DMXL1: variants seen among roughly 807,000 people sequenced by gnomAD.
DMXL1 encodes Dmx like 1.
Under a neutral mutation model 319.2 loss-of-function variants are expected in DMXL1, and 99 were observed. The ratio of observed to expected loss-of-function variants is 0.31; its 90% CI spans 0.26 to 0.37. The LOEUF (loss-of-function observed/expected upper bound fraction) is 0.37. DMXL1 is among the 10% of genes least tolerant of loss of function. DMXL1 has a pLI of 1.00. For missense variants in DMXL1, 3,745 were observed against 3,595.6 expected, an observed-to-expected ratio of 1.04 and a Z score of -1.06; for synonymous variants, 1,385 against 1,235.2, an observed-to-expected ratio of 1.12 and a Z score of -2.54.
rs139879368 is a variant in DMXL1 at position 119,090,420 on chromosome 5, G to T, written c.88-7559G>T. On this transcript the variant is annotated intron_variant, in intron 1 of 43. Transcript: ENST00000539542. Reference sequence around the variant, plus strand: ...TTTCTGAAGTTTTAGAAAGTTTTCTGTTACTTCTTTGGATAAGCTTTCTAC... The same window carrying T: ...TTTCTGAAGTTTTAGAAAGTTTTCTTTTACTTCTTTGGATAAGCTTTCTAC... Among the ~76,000 whole-genome samples, 860 of 151,974 alleles carry T rather than the reference G, an allele frequency of 5.7e-3. 8 individuals are homozygous for T. The highest frequency in any genetic ancestry group is 0.02 in the African/African-American group (817 of 41,478).
chr5:119,210,256 T>G (rs1782515297), intron 34 of DMXL1, among the ~76,000 whole-genome samples: 1 of 152,208 alleles, frequency 6.6e-6, no homozygotes, highest in African/African-American at 2.4e-5. Flanking sequence ...CGGCCACAAG[T>G]TCTTTTGAAG....
intron 19 of DMXL1, among the ~76,000 whole-genome samples, chr5:119,162,069 A>C (rs996233852): frequency 6.6e-6 from 1 of 152,202 alleles, no homozygotes; most frequent in Admixed American, 6.5e-5. Flanking sequence ...GGGGAAGCTC[A>C]ATGTCTGACC....
chr5:119,118,003 A>T lies in DMXL1; in HGVS notation c.744-812A>T, dbSNP rs190779661. On this transcript the variant is annotated intron_variant, in intron 7 of 43. Transcript: ENST00000539542. ...TTGTGACTTTTTCTTTCTTTCTTCT[A>T]AACTTACTGAATTCCCTGATGGAAG... Among the ~76,000 whole-genome samples, 154 of 152,286 alleles carry T rather than the reference A, an allele frequency of 1.0e-3. 3 individuals carry two copies. In the Middle Eastern group the frequency reaches 0.014, roughly 13 times the overall value.
intron 28 of DMXL1, 23 bp from the exon 29 acceptor site, chr5:119,189,685 A>G: frequency 6.2e-7 from 1 of 1,606,314 alleles, no homozygotes; most frequent in African/African-American, 1.3e-5. Flanking sequence ...TACTTCAGTA[A>G]CATTTTATTT....
intron 5 of DMXL1, 70 bp from the exon 6 acceptor site, chr5:119,114,405 A>C: frequency 8.9e-7 from 1 of 1,117,866 alleles, no homozygotes; most frequent in African/African-American, 1.6e-5. Flanking sequence ...CTGATTTATA[A>C]TTTTGAGAAT....
chr5:119,074,751 A>G (rs930690979), intron 1 of DMXL1, among the ~76,000 whole-genome samples: 2 of 152,184 alleles, frequency 1.3e-5, no homozygotes, highest in African/African-American at 4.8e-5. Flanking sequence ...TTCTATCATT[A>G]ACCAGTCTTG....
chr5:119,200,335 T>C (rs1780471163), intron 32 of DMXL1, among the ~76,000 whole-genome samples: 2 of 152,174 alleles, frequency 1.3e-5, no homozygotes, highest in Non-Finnish European at 2.9e-5. Context: ...TAGGGAGTCT[T>C]TTCTTGATTG....
chr5:119,197,844 G>T lies in DMXL1; in HGVS notation c.7633G>T (p.Gly2545Cys). The T allele has an allele frequency of 1.9e-6, 3 of 1,614,120 alleles. No homozygotes were observed. The highest frequency in any genetic ancestry group is 2.5e-6 in the Non-Finnish European group (3 of 1,180,004). The change falls in exon 32 of 44, where the codon GGT (glycine) becomes TGT (cysteine). Residue 2545 changes from glycine to cysteine, a missense_variant. Gly to Cys is a radical substitution (Grantham distance 159, BLOSUM62 -3). Transcript: ENST00000539542. ...TCTTCTCCGACGACTTGAAATCCAT[G>T]GTGGGCCACCTCAAAATTATATCGC... ...QVLLRRLEIH[G>C]GPPQNYIASH...
chr5:119,174,987 A>T (rs762663554), intron 25 of DMXL1, among the ~76,000 whole-genome samples: 2 of 152,216 alleles, frequency 1.3e-5, no homozygotes, highest in Non-Finnish European at 2.9e-5. Flanking sequence ...TGGAGAGCTG[A>T]CATCTGTTCC....
At chr5:119,072,117 A>G (rs539724124) in intron 1 of DMXL1, among the ~76,000 whole-genome samples, 2 of 152,362 alleles carry the variant, frequency 1.3e-5, no homozygotes, top group Non-Finnish European at 2.9e-5. Context: ...TTTGCCATCA[A>G]CAACTAGCCT....
chr5:119,241,534 C>CAAA lies in DMXL1; in HGVS notation c.8704+1081_8704+1083dup, dbSNP rs35739845. On this transcript the variant is annotated intron_variant, in intron 42 of 43. Coordinates refer to ENST00000539542, the MANE Select transcript of DMXL1 (RefSeq NM_001290321.3). Reference sequence around the variant, plus strand: ...TGGGCGACAGAGCAAGACTCCGTCTCAAAAAAAAAAAAAAAAAAAAGATGA... The same window carrying CAAA: ...TGGGCGACAGAGCAAGACTCCGTCTCAAAAAAAAAAAAAAAAAAAAAAAGATGA... Among the ~76,000 whole-genome samples, 190 of 57,514 alleles carry CAAA rather than the reference C, an allele frequency of 3.3e-3. 2 individuals carry two copies. Among genetic ancestry groups the CAAA allele is most frequent in the African/African-American group, 9.9e-3 (169 of 17,124 alleles). The allele number at this position is 57,514 out of a possible 152,430, so 37.7% of individuals were successfully genotyped here. A position where few individuals can be genotyped will look rare whatever the true frequency, so the allele number is the denominator to read the frequency against.
At chr5:119,133,465 T>C (rs755834428) in intron 11 of DMXL1, 29 bp from the exon 12 acceptor site, 65 of 1,577,060 alleles carry the variant, frequency 4.1e-5, no homozygotes, top group Non-Finnish European at 5.1e-5. Flanking sequence ...TAATTTTATA[T>C]GTTCTAACAC....
Position 119,110,224 on chromosome 5 carries a change from T to C in DMXL1, c.438T>C (p.Asp146=). The C allele has an allele frequency of 6.3e-7, 1 of 1,588,140 alleles. No individual in the cohort carries two copies. The highest frequency in any genetic ancestry group is 8.5e-7 in the Non-Finnish European group (1 of 1,173,274). ...CTAACTTGGAGAAGCCAACTGAAGATGAAAATTTAAATAAAACAGATCTTA... is the reference window on the plus strand; with the variant it reads ...CTAACTTGGAGAAGCCAACTGAAGACGAAAATTTAAATAAAACAGATCTTA... ...SNTNLEKPTE[D]ENLNKTDLNF... is the part of the protein sequence containing the mutation. The change falls in exon 5 of 44, where the codon GAT becomes GAC. Residue 146 remains aspartate, a synonymous_variant. Coordinates refer to ENST00000539542, the MANE Select transcript of DMXL1 (RefSeq NM_001290321.3).
intron 16 of DMXL1, 134 bp from the exon 17 acceptor site, chr5:119,147,115 T>G: frequency 8.8e-7 from 1 of 1,142,434 alleles, no homozygotes; most frequent in Non-Finnish European, 1.2e-6. Context: ...CTTATTTTCT[T>G]TCTGTGAAGA....
intron 9 of DMXL1, among the ~76,000 whole-genome samples, chr5:119,125,000 T>G (rs148141537): frequency 1.3e-5 from 2 of 152,358 alleles, no homozygotes; most frequent in Non-Finnish European, 2.9e-5. Flanking sequence ...CTGTTAAACA[T>G]TTATGGTTAA....
intron 15 of DMXL1, 33 bp downstream of exon 15, chr5:119,144,671 C>G (rs765640832): frequency 4.4e-6 from 6 of 1,357,788 alleles, no homozygotes. Flanking sequence ...ATGAGAAATA[C>G]TATGTACAGT....
chr5:119,071,472 A>G lies in DMXL1; in HGVS notation c.-98A>G, dbSNP rs1749541170. 1 of 1,250,516 alleles carries G rather than the reference A, an allele frequency of 8.0e-7. No homozygotes were observed. The highest frequency in any genetic ancestry group is 1.5e-5 in the African/African-American group (1 of 65,806). 77.5% of individuals were successfully genotyped at this position (1,250,516 alleles called of 1,614,324 possible). ...TCGCTGCTTCTGCCGTCGCCACCGA[A>G]GAGCGGCCGCCGCCCCTGAGGGAAG... On this transcript the variant is annotated 5_prime_UTR_variant, in exon 1 of 44. Coordinates refer to ENST00000539542, the MANE Select transcript of DMXL1 (RefSeq NM_001290321.3).
chr5:119,244,948 T>A (rs940312753), intron 43 of DMXL1, among the ~76,000 whole-genome samples: 1 of 152,224 alleles, frequency 6.6e-6, no homozygotes. Flanking sequence ...CAGTTTTTCA[T>A]ATATATTATT....
At chr5:119,126,261 C>T (rs955122239) in intron 9 of DMXL1, among the ~76,000 whole-genome samples, 1 of 152,050 alleles carries the variant, frequency 6.6e-6, no homozygotes, top group Non-Finnish European at 1.5e-5. Context: ...CCACCCTGGG[C>T]AGCAAGAGTG....
Sources: gnomAD v4.1 joint callset for allele counts (sites outside exome capture counted in the v4.1 genomes callset) on GRCh38, gnomAD v4.1.1 for gene constraint, MANE v1.5 for transcripts, NCBI Gene and HGNC (gene_info 2026-07-23, HGNC 2026-07-21) for gene names.